Variants in C10orf53 observed in about 807,000 individuals in gnomAD.
The protein encoded by C10orf53 is chromosome 10 open reading frame 53, also known as UPF0728 protein C10orf53.
Under a neutral mutation model 9.4 loss-of-function variants are expected in C10orf53, and 8 were observed. The observed-to-expected ratio is 0.85, with a 90% CI of 0.50 to 1.53. The LOEUF is 1.53. Among genes scored for constraint, C10orf53 ranks in the 40% most tolerant of loss-of-function variants. C10orf53 has a pLI of 0.00. For missense variants in C10orf53, 117 were observed against 117.8 expected, an observed-to-expected ratio of 0.99 and a Z score of 0.03; for synonymous variants, 48 against 46.0, an observed-to-expected ratio of 1.04 and a Z score of -0.18.
chr10:49,688,742 C>G (rs1228089164), intron 1 of C10orf53, among the ~76,000 whole-genome samples: 1 of 152,124 alleles, frequency 6.6e-6, no homozygotes, highest in East Asian at 1.9e-4. Flanking sequence ...CAGGGCTTCA[C>G]AGCCGCTCCG....
chr10:49,708,434 G>T (rs76546287), exon 3 of C10orf53: 1 of 1,614,156 alleles, frequency 6.2e-7, no homozygotes. Flanking sequence ...TTAGCAGCCC[G>T]TGTAGGATGA....
chr10:49,700,807 T>C (rs1274403373), downstream of C10orf53, among the ~76,000 whole-genome samples: 1 of 152,146 alleles, frequency 6.6e-6, no homozygotes, highest in Non-Finnish European at 1.5e-5. Context: ...CCAGGCAGTG[T>C]GGACTCCCAG....
Position 49,694,863 on chromosome 10 carries a change from C to A in C10orf53, c.*261C>A. 7.8e-7 allele frequency: 1 copy of A among 1,281,204 alleles called. No individual in the cohort carries two copies. The highest frequency in any genetic ancestry group is 9.9e-7 in the Non-Finnish European group (1 of 1,013,366). 79.4% of individuals were successfully genotyped at this position (1,281,204 alleles called of 1,614,324 possible). A position where few individuals can be genotyped will look rare whatever the true frequency, so the allele number is the denominator to read the frequency against. ...AGGGAGAGCCCTCCAATATCAGGTA[C>A]ACATTGAGCTGAAGGAAACAATAAA... On this transcript the variant is annotated 3_prime_UTR_variant, in exon 3 of 3. Coordinates refer to ENST00000374111, the MANE Select transcript of C10orf53 (RefSeq NM_001042427.3).
chr10:49,685,931 C>G (rs138882237), intron 1 of C10orf53, among the ~76,000 whole-genome samples: 6 of 152,258 alleles, frequency 3.9e-5, no homozygotes, highest in Admixed American at 2.6e-4. Flanking sequence ...GTCCCTTTCT[C>G]TATTTCCTTT....
chr10:49,704,360 C>T (rs1840707914), intron 2 of C10orf53, among the ~76,000 whole-genome samples: 10 of 152,046 alleles, frequency 6.6e-5, no homozygotes, highest in Admixed American at 6.6e-4. Context: ...TGTAAGGAGG[C>T]AATTCACAGA....
chr10:49,693,933 C>T (rs1421611689), intron 2 of C10orf53, 40 bp downstream of exon 2: 1 of 1,613,474 alleles, frequency 6.2e-7, no homozygotes, highest in African/African-American at 1.3e-5. Context: ...CAATTTGCCT[C>T]CTCTGAGGAG....
At chr10:49,686,516 C>T (rs1840530462) in intron 1 of C10orf53, among the ~76,000 whole-genome samples, 1 of 152,098 alleles carries the variant, frequency 6.6e-6, no homozygotes, top group Admixed American at 6.5e-5. Flanking sequence ...TGTAGACAGA[C>T]GTGTGAGTAG....
downstream of C10orf53, among the ~76,000 whole-genome samples, chr10:49,702,146 G>A (rs1840688254): frequency 1.3e-5 from 2 of 148,370 alleles, no homozygotes; most frequent in South Asian, 2.2e-4. Context: ...GCAGTGAGCC[G>A]AGATTGCACC....
At chr10:49,703,903 T>C (rs1336914627) in intron 2 of C10orf53, among the ~76,000 whole-genome samples, 2 of 152,142 alleles carry the variant, frequency 1.3e-5, no homozygotes, top group Non-Finnish European at 2.9e-5. Context: ...AATCTAAAAA[T>C]TGACAAACAG....
chr10:49,687,363 C>G (rs1840539103), intron 1 of C10orf53, among the ~76,000 whole-genome samples: 1 of 152,208 alleles, frequency 6.6e-6, no homozygotes, highest in African/African-American at 2.4e-5. Context: ...AGTTTGTCCA[C>G]AAATCATGTC....
intron 2 of C10orf53, 101 bp downstream of exon 2, chr10:49,693,994 T>A (rs756634207): frequency 6.5e-7 from 1 of 1,543,762 alleles, no homozygotes; most frequent in Non-Finnish European, 8.9e-7. Flanking sequence ...GGATTCAAAT[T>A]GGGTTTCTTT....
rs1485586458 is a variant in C10orf53 at position 49,696,702 on chromosome 10, T to A, written c.*2100T>A. 6.6e-6 allele frequency among the ~76,000 whole-genome samples: 1 copy of A among 151,950 alleles called. No homozygotes were observed. The highest frequency in any genetic ancestry group is 1.5e-5 in the Non-Finnish European group (1 of 68,008). On this transcript the variant is annotated 3_prime_UTR_variant, in exon 3 of 3. Transcript: ENST00000374111. ...TTCAGTTTGGATCAGAGGCAAATGA[T>A]GTCTGAATCAGCATTGCTGGGAAAA...
At chr10:49,692,386 G>A (rs1483473547) in intron 1 of C10orf53, among the ~76,000 whole-genome samples, 3 of 152,166 alleles carry the variant, frequency 2.0e-5, no homozygotes, top group Non-Finnish European at 2.9e-5. Context: ...TTAAAATCGC[G>A]CAATTAAAAT....
intron 2 of C10orf53, chr10:49,708,264 C>A: frequency 6.6e-7 from 1 of 1,519,578 alleles, no homozygotes; most frequent in Non-Finnish European, 8.8e-7. Context: ...AAAAGTCCAG[C>A]TATAGGCATA....
intron 1 of C10orf53, among the ~76,000 whole-genome samples, chr10:49,688,227 A>G (rs1297542174): frequency 2.0e-5 from 3 of 151,424 alleles, no homozygotes; most frequent in African/African-American, 7.3e-5. Flanking sequence ...CAGCAGCTCC[A>G]TCTTGCAGTT....
At chr10:49,709,903 C>T (rs1409759026) in exon 3 of C10orf53, 1 of 152,938 alleles carries the variant, frequency 6.5e-6, no homozygotes, top group Non-Finnish European at 1.5e-5. Flanking sequence ...TCCCTGCAGC[C>T]TTGCTCTGCA....
At chr10:49,679,848 G>T in intron 1 of C10orf53, 54 bp downstream of exon 1, 1 of 1,472,032 alleles carries the variant, frequency 6.8e-7, no homozygotes, top group Non-Finnish European at 9.1e-7. Context: ...GAGCATCCGT[G>T]CAGGTGGTGC....
chr10:49,703,485 A>G (rs1840699782), intron 2 of C10orf53, among the ~76,000 whole-genome samples: 1 of 152,352 alleles, frequency 6.6e-6, no homozygotes, highest in South Asian at 2.1e-4. Context: ...GCCAAGCAGC[A>G]GCGTTCTGCT....
chr10:49,694,719 A>C lies in C10orf53; in HGVS notation c.*117A>C. 6.5e-7 allele frequency: 1 copy of C among 1,533,904 alleles called. No individual in the cohort carries two copies. Among genetic ancestry groups the C allele is most frequent in the Non-Finnish European group, 8.8e-7 (1 of 1,138,914 alleles). ...GACACTGGGCTCTGCTAGTCAGAAC[A>C]GGGCAACTCGGGCCTGACCTCCAGC... On this transcript the variant is annotated 3_prime_UTR_variant, in exon 3 of 3. Transcript: ENST00000374111.
Sources: allele counts gnomAD v4.1 joint callset (sites outside exome capture counted in the v4.1 genomes callset), GRCh38; gene constraint gnomAD v4.1.1; transcripts MANE v1.5; gene names NCBI Gene and HGNC (gene_info 2026-07-23, HGNC 2026-07-21).